GALNT13: variants seen among roughly 807,000 people sequenced by gnomAD.
GALNT13 encodes the protein UDP-GalNAc:polypeptide N-acetylgalactosaminyltransferase 13.
A neutral mutation model predicts 64.2 loss-of-function variants in GALNT13; 28 were observed. That is an observed-to-expected ratio of 0.44 (90% CI 0.32 to 0.60). The LOEUF (loss-of-function observed/expected upper bound fraction) is 0.60, where lower values mean the gene tolerates loss of function less well. Ranked by LOEUF, GALNT13 falls within the 20% of genes least tolerant of loss-of-function variation. The pLI, the probability that GALNT13 is intolerant of heterozygous loss-of-function variation, is 0.05. For missense variants in GALNT13, 577 were observed against 669.8 expected (o/e 0.86, Z 1.53); for synonymous variants, 214 against 224.6 (o/e 0.95, Z 0.42).
chr2:154,343,272 G>A (rs1019774438), intron 9 of GALNT13, among the ~76,000 whole-genome samples: 3 of 151,978 alleles, frequency 2.0e-5, no homozygotes, highest in African/African-American at 7.2e-5. Context: ...TTAAGGAATT[G>A]TTACCTGCCT....
the GALNT13 span, among the ~76,000 whole-genome samples, chr2:153,441,747 T>A: frequency 6.6e-6 from 1 of 152,186 alleles, no homozygotes; most frequent in Non-Finnish European, 1.5e-5. Context: ...GACTCTCTGC[T>A]TGTCTATTAT....
At chr2:153,691,150 C>A in the GALNT13 span, among the ~76,000 whole-genome samples, 3 of 152,150 alleles carry the variant, frequency 2.0e-5, no homozygotes, top group Non-Finnish European at 4.4e-5. Flanking sequence ...ATTGACCAAT[C>A]TGCAACTATG....
chr2:153,893,444 A>C (rs1687684862), intron 1 of GALNT13, among the ~76,000 whole-genome samples: 1 of 152,036 alleles, frequency 6.6e-6, no homozygotes, highest in Non-Finnish European at 1.5e-5. Flanking sequence ...AATATTTGGA[A>C]AATTAGAAAA....
At chr2:153,557,705 A>G in the GALNT13 span, among the ~76,000 whole-genome samples, 20 of 152,314 alleles carry the variant, frequency 1.3e-4, no homozygotes, top group Non-Finnish European at 2.5e-4. Context: ...TTGGCTGTCA[A>G]TGGTTTCAAT....
At chr2:153,387,622 C>T in the GALNT13 span, among the ~76,000 whole-genome samples, 5 of 152,032 alleles carry the variant, frequency 3.3e-5, no homozygotes, top group Non-Finnish European at 7.4e-5. Context: ...TGGAGACATT[C>T]AGAGCTGTTT....
the GALNT13 span, among the ~76,000 whole-genome samples, chr2:153,239,109 G>T: frequency 1.3e-5 from 2 of 151,926 alleles, no homozygotes; most frequent in African/African-American, 4.8e-5. Flanking sequence ...TTGTAAATGG[G>T]ATTACTTTCT....
the GALNT13 span, among the ~76,000 whole-genome samples, chr2:153,484,301 A>G: frequency 6.6e-6 from 1 of 152,174 alleles, no homozygotes; most frequent in Non-Finnish European, 1.5e-5. Flanking sequence ...TTAAAAACTT[A>G]TATACACATT....
At chr2:153,400,384 C>G in the GALNT13 span, among the ~76,000 whole-genome samples, 23,138 of 152,106 alleles carry the variant, frequency 0.15, 1,891 homozygotes, top group African/African-American at 0.18. Context: ...GTCTAAAATT[C>G]TCTTTTTTTG....
intron 4 of GALNT13, among the ~76,000 whole-genome samples, chr2:154,150,177 T>G (rs1475292408): frequency 6.6e-6 from 1 of 152,194 alleles, no homozygotes; most frequent in East Asian, 1.9e-4. Flanking sequence ...CGGCATCTAT[T>G]GAGATAATCA....
the GALNT13 span, among the ~76,000 whole-genome samples, chr2:153,483,672 T>A: frequency 6.6e-6 from 1 of 152,102 alleles, no homozygotes; most frequent in Non-Finnish European, 1.5e-5. Flanking sequence ...TACCTTGGCC[T>A]CCCAAAGAGC....
intron 4 of GALNT13, among the ~76,000 whole-genome samples, chr2:154,236,520 A>G (rs1689202014): frequency 6.6e-6 from 1 of 152,080 alleles, no homozygotes; most frequent in African/African-American, 2.4e-5. Context: ...AAAAAAATAA[A>G]CTTTCACTTC....
At chr2:153,251,488 A>T in the GALNT13 span, among the ~76,000 whole-genome samples, 1 of 151,848 alleles carries the variant, frequency 6.6e-6, no homozygotes, top group Non-Finnish European at 1.5e-5. Flanking sequence ...TTATTATTAT[A>T]CTTTAAGTTT....
At chr2:153,508,892 C>G in the GALNT13 span, among the ~76,000 whole-genome samples, 1 of 152,136 alleles carries the variant, frequency 6.6e-6, no homozygotes, top group Admixed American at 6.5e-5. Context: ...AGAACTTTAA[C>G]CCTTTTGCCG....
chr2:153,677,300 C>T, the GALNT13 span, among the ~76,000 whole-genome samples: 3 of 150,622 alleles, frequency 2.0e-5, no homozygotes, highest in South Asian at 2.1e-4. Flanking sequence ...CACACACACA[C>T]ACACACACAC....
At chr2:153,733,260 T>A in the GALNT13 span, among the ~76,000 whole-genome samples, 5 of 152,126 alleles carry the variant, frequency 3.3e-5, no homozygotes, top group African/African-American at 7.2e-5. Context: ...CTATAGATAA[T>A]CTCAGTTCTT....
At chr2:153,646,942 A>G in the GALNT13 span, among the ~76,000 whole-genome samples, 2 of 152,294 alleles carry the variant, frequency 1.3e-5, no homozygotes, top group African/African-American at 4.8e-5. Context: ...ATGTGTCTTT[A>G]TAGCAGCATG....
intron 9 of GALNT13, among the ~76,000 whole-genome samples, chr2:154,382,906 C>A (rs1034036146): frequency 1.3e-5 from 2 of 151,684 alleles, no homozygotes; most frequent in African/African-American, 4.8e-5. Flanking sequence ...CAAAATCACC[C>A]TGGTACAGAA....
chr2:153,442,862 T>G, the GALNT13 span, among the ~76,000 whole-genome samples: 1 of 152,192 alleles, frequency 6.6e-6, no homozygotes. Flanking sequence ...GAAAACCGCC[T>G]ACTCAAGCCT....
the GALNT13 span, among the ~76,000 whole-genome samples, chr2:153,163,210 C>G: frequency 6.6e-6 from 1 of 151,984 alleles, no homozygotes; most frequent in African/African-American, 2.4e-5. Flanking sequence ...TTGTTTGAAG[C>G]CAAGTGCATG....
Sources: allele counts gnomAD v4.1 joint callset (sites outside exome capture counted in the v4.1 genomes callset), GRCh38; gene constraint gnomAD v4.1.1; transcripts MANE v1.5; gene names NCBI Gene and HGNC (gene_info 2026-07-23, HGNC 2026-07-21).